Variants in CLSTN2 observed in about 807,000 individuals in gnomAD.
CLSTN2 encodes the protein calsyntenin 2.
A neutral mutation model predicts 101.2 loss-of-function variants in CLSTN2; 48 were observed. The observed-to-expected ratio is 0.47, with a 90% CI of 0.38 to 0.60. The LOEUF (loss-of-function observed/expected upper bound fraction) is 0.60. Ranked by LOEUF, CLSTN2 falls within the 20% of genes least tolerant of loss-of-function variation. CLSTN2 has a pLI of 0.00. For synonymous variants in CLSTN2, 481 were observed against 463.6 expected, an observed-to-expected ratio of 1.04 and a Z score of -0.48; for missense variants, 1,160 against 1,238.2, an observed-to-expected ratio of 0.94 and a Z score of 0.95.
intron 2 of CLSTN2, among the ~76,000 whole-genome samples, chr3:140,312,454 T>C (rs1423734144): frequency 6.6e-6 from 1 of 152,258 alleles, no homozygotes; most frequent in Non-Finnish European, 1.5e-5. Context: ...CAAGGAAATA[T>C]ACCAACAGCT....
intron 8 of CLSTN2, among the ~76,000 whole-genome samples, chr3:140,478,207 A>AG (rs1934029192): frequency 6.6e-6 from 1 of 152,098 alleles, no homozygotes; most frequent in Non-Finnish European, 1.5e-5. Flanking sequence ...ATGCTTCTTA[A>AG]TTTTTTAAAA....
At chr3:140,359,404 A>G (rs990890037) in intron 2 of CLSTN2, among the ~76,000 whole-genome samples, 1 of 152,250 alleles carries the variant, frequency 6.6e-6, no homozygotes, top group Non-Finnish European at 1.5e-5. Context: ...TTGAGTCAGC[A>G]TAAAAATAAT....
At chr3:140,372,430 C>T (rs1011639218) in intron 2 of CLSTN2, among the ~76,000 whole-genome samples, 1 of 152,178 alleles carries the variant, frequency 6.6e-6, no homozygotes, top group Non-Finnish European at 1.5e-5. Flanking sequence ...TGGATGCCAT[C>T]CCTGAATGCA....
At chr3:140,455,080 G>A (rs1933364892) in intron 6 of CLSTN2, among the ~76,000 whole-genome samples, 1 of 152,206 alleles carries the variant, frequency 6.6e-6, no homozygotes, top group Non-Finnish European at 1.5e-5. Flanking sequence ...CTTCTGTTGG[G>A]TTCATTGCTG....
At chr3:140,316,178 A>G (rs533787949) in intron 2 of CLSTN2, among the ~76,000 whole-genome samples, 1 of 152,306 alleles carries the variant, frequency 6.6e-6, no homozygotes, top group East Asian at 1.9e-4. Flanking sequence ...ATAGATTAGC[A>G]TATGATTACC....
intron 2 of CLSTN2, among the ~76,000 whole-genome samples, chr3:140,353,073 A>T (rs969085536): frequency 6.6e-6 from 1 of 152,086 alleles, no homozygotes; most frequent in Middle Eastern, 3.2e-3. Flanking sequence ...AAAACTTATT[A>T]TAAGTAATCT....
intron 1 of CLSTN2, among the ~76,000 whole-genome samples, chr3:140,071,543 T>C (rs1439462041): frequency 6.6e-6 from 1 of 151,960 alleles, no homozygotes; most frequent in Non-Finnish European, 1.5e-5. Context: ...CAATAAAAAA[T>C]GAAAAAGGCC....
At chr3:140,179,060 G>A (rs9815878) in intron 2 of CLSTN2, among the ~76,000 whole-genome samples, 33,115 of 151,836 alleles carry the variant, frequency 0.22, 3,866 homozygotes, top group Non-Finnish European at 0.26. Flanking sequence ...AATCATACAT[G>A]ATCTCACGTG....
chr3:140,507,783 CTA>C (rs1462950350), intron 8 of CLSTN2: 2 of 151,988 alleles, frequency 1.3e-5, no homozygotes, highest in African/African-American at 2.4e-5. Context: ...AGAGCTATGT[CTA>C]TTTTTACTTT....
chr3:140,191,794 G>T (rs182304089), intron 2 of CLSTN2, among the ~76,000 whole-genome samples: 182 of 151,920 alleles, frequency 1.2e-3, no homozygotes, highest in Non-Finnish European at 2.3e-3. Flanking sequence ...TTTAGTGCAG[G>T]TTTATCAAGT....
intron 2 of CLSTN2, among the ~76,000 whole-genome samples, chr3:140,233,549 A>G (rs775138996): frequency 4.6e-5 from 7 of 152,360 alleles, no homozygotes; most frequent in African/African-American, 7.2e-5. Flanking sequence ...AGCTGAATAC[A>G]TAAAAATTAA....
intron 2 of CLSTN2, among the ~76,000 whole-genome samples, chr3:140,178,417 A>G (rs971057800): frequency 6.6e-6 from 1 of 152,234 alleles, no homozygotes; most frequent in Non-Finnish European, 1.5e-5. Context: ...TATTCTGACC[A>G]TTAGATGCAC....
At chr3:140,440,298 T>C (rs1309782901) in intron 5 of CLSTN2, among the ~76,000 whole-genome samples, 2 of 152,182 alleles carry the variant, frequency 1.3e-5, no homozygotes, top group African/African-American at 2.4e-5. Flanking sequence ...CCCACTTTCA[T>C]TTTGTAGTTA....
rs188080850 is a variant in CLSTN2 at position 140,376,489 on chromosome 3, A to G, written c.233-27140A>G. 6.9e-3 allele frequency among the ~76,000 whole-genome samples: 1,051 copies of G among 152,240 alleles called. 5 individuals carry two copies. Among genetic ancestry groups the G allele is most frequent in the Non-Finnish European group, 0.011 (745 of 68,014 alleles). Reference sequence around the variant, plus strand: ...CCCCTCCTTTCTGCATTTTTCCTCTATTTCTTCTCAGTTTAAAAATATTTA... The same window carrying G: ...CCCCTCCTTTCTGCATTTTTCCTCTGTTTCTTCTCAGTTTAAAAATATTTA... On this transcript the variant is annotated intron_variant, in intron 2 of 16. Coordinates refer to ENST00000458420, the MANE Select transcript of CLSTN2 (RefSeq NM_022131.3).
chr3:140,124,741 A>T (rs979340034), intron 1 of CLSTN2, among the ~76,000 whole-genome samples: 1 of 152,180 alleles, frequency 6.6e-6, no homozygotes, highest in African/African-American at 2.4e-5. Flanking sequence ...AAATATTCAG[A>T]ACTCAATCTT....
intron 2 of CLSTN2, among the ~76,000 whole-genome samples, chr3:140,182,506 GC>G (rs1559800510): frequency 6.6e-6 from 1 of 152,108 alleles, no homozygotes; most frequent in Non-Finnish European, 1.5e-5. Flanking sequence ...CTCGGACCTC[GC>G]AGCAGAGATG....
chr3:140,386,366 C>T (rs555414647), intron 2 of CLSTN2, among the ~76,000 whole-genome samples: 9 of 152,192 alleles, frequency 5.9e-5, no homozygotes, highest in Non-Finnish European at 7.3e-5. Flanking sequence ...TGTTAGGGTC[C>T]GGTTCATGCT....
chr3:139,941,958 A>T (rs1935139301), intron 1 of CLSTN2, among the ~76,000 whole-genome samples: 1 of 152,130 alleles, frequency 6.6e-6, no homozygotes, highest in Non-Finnish European at 1.5e-5. Flanking sequence ...AGAGGAGTAA[A>T]CTGAGTCACT....
At chr3:140,058,070 A>G (rs1560082022) in intron 1 of CLSTN2, among the ~76,000 whole-genome samples, 1 of 148,472 alleles carries the variant, frequency 6.7e-6, no homozygotes, top group Non-Finnish European at 1.5e-5. Context: ...ATTTGGAGAT[A>G]AAGATGACTG....
Sources: allele counts gnomAD v4.1 joint callset (sites outside exome capture counted in the v4.1 genomes callset), GRCh38; gene constraint gnomAD v4.1.1; transcripts MANE v1.5; gene names NCBI Gene and HGNC (gene_info 2026-07-23, HGNC 2026-07-21).